PRDM6: variants seen among roughly 807,000 people sequenced by gnomAD.
PRDM6 encodes the protein putative histone-lysine N-methyltransferase PRDM6.
PRDM6 carries 25 observed loss-of-function variants against 60.8 expected under a neutral mutation model. The observed-to-expected ratio is 0.41, with a 90% CI of 0.30 to 0.57. The LOEUF is 0.57. Ranked by LOEUF, PRDM6 falls within the 20% of genes least tolerant of loss-of-function variation. The pLI is 0.27. For missense variants in PRDM6, 839 were observed against 821.3 expected (o/e 1.02, Z -0.26); for synonymous variants, 407 against 357.4 (o/e 1.14, Z -1.57).
In PRDM6 at chr5:123,155,955, G is replaced by A. The variant is rs1390061722; in HGVS notation, c.972G>A (p.Arg324=). The change falls in exon 4 of 8, where the codon AGG becomes AGA. Residue 324 remains arginine, a synonymous_variant. Coordinates refer to ENST00000407847, the MANE Select transcript of PRDM6 (RefSeq NM_001136239.4). ...GGEPSKSSWM[R]YIRCARHCGE... is the part of the protein sequence containing the mutation. ...AACCTAGTAAGTCGAGCTGGATGAGGTATATCCGATGTGCAAGGCACTGCG... is the reference window on the plus strand; with the variant it reads ...AACCTAGTAAGTCGAGCTGGATGAGATATATCCGATGTGCAAGGCACTGCG... 1 of 1,551,660 alleles carries A rather than the reference G, an allele frequency of 6.4e-7. No homozygotes were observed. The highest frequency in any genetic ancestry group is 2.0e-5 in the Admixed American group (1 of 51,000).
chr5:123,183,070 C>A (rs1462739746), intron 7 of PRDM6, among the ~76,000 whole-genome samples: 1 of 152,156 alleles, frequency 6.6e-6, no homozygotes, highest in African/African-American at 2.4e-5. Flanking sequence ...ATAAAACAAA[C>A]ATTTTTAAAA....
At chr5:123,092,164 T>C (rs749516940) in intron 2 of PRDM6, among the ~76,000 whole-genome samples, 4 of 152,268 alleles carry the variant, frequency 2.6e-5, no homozygotes, top group Non-Finnish European at 5.9e-5. Flanking sequence ...TCAGAAAGTT[T>C]TACAACATTA....
At position 123,170,797 on chromosome 5, in the gene PRDM6, G is replaced by T; in HGVS notation, c.1185G>T (p.Met395Ile). The change falls in exon 6 of 8, where the codon ATG becomes ATT. Residue 395 changes from methionine (M) to isoleucine (I), a missense_variant. By Grantham distance (10) the Met-to-Ile change is conservative. Coordinates refer to ENST00000407847, the MANE Select transcript of PRDM6 (RefSeq NM_001136239.4). Reference sequence around the variant, plus strand: ...TCCCTTCAACGGTAATGGAAGCCATGTGCAGACAAGACGCCCTGCAGCCCT... The same window carrying T: ...TCCCTTCAACGGTAATGGAAGCCATTTGCAGACAAGACGCCCTGCAGCCCT... ...LNVPSTVMEA[M>I]CRQDALQPFN... 1 of 1,551,812 alleles carries T rather than the reference G, an allele frequency of 6.4e-7. No homozygotes were observed. The highest frequency in any genetic ancestry group is 8.7e-7 in the Non-Finnish European group (1 of 1,146,970).
chr5:123,101,338 G>A (rs1363244884), intron 3 of PRDM6, among the ~76,000 whole-genome samples: 1 of 152,124 alleles, frequency 6.6e-6, no homozygotes, highest in Admixed American at 6.5e-5. Flanking sequence ...CAGCCCAGCA[G>A]CCCAAAATGA....
chr5:123,179,138 G>A (rs1427342556), intron 6 of PRDM6, among the ~76,000 whole-genome samples: 1 of 152,188 alleles, frequency 6.6e-6, no homozygotes, highest in Admixed American at 6.5e-5. Flanking sequence ...GCTTAAGTAA[G>A]CAGAAGAACT....
chr5:123,122,999 C>A (rs757392430), intron 3 of PRDM6, among the ~76,000 whole-genome samples: 2 of 152,110 alleles, frequency 1.3e-5, no homozygotes, highest in African/African-American at 4.8e-5. Context: ...CTTATAGATT[C>A]TTATAGATTC....
chr5:123,126,385 C>T (rs1764695619), intron 3 of PRDM6, among the ~76,000 whole-genome samples: 1 of 151,646 alleles, frequency 6.6e-6, no homozygotes, highest in Non-Finnish European at 1.5e-5. Flanking sequence ...TCTGATGCAC[C>T]AAGTGTTTTT....
At chr5:123,125,052 A>G (rs1332966227) in intron 3 of PRDM6, among the ~76,000 whole-genome samples, 1 of 137,804 alleles carries the variant, frequency 7.3e-6, no homozygotes, top group Non-Finnish European at 1.5e-5. Flanking sequence ...ACTGCAGGCA[A>G]CTTACAACAT....
chr5:123,174,966 A>C (rs1259485326), intron 6 of PRDM6, among the ~76,000 whole-genome samples: 1 of 152,254 alleles, frequency 6.6e-6, no homozygotes, highest in African/African-American at 2.4e-5. Context: ...GAAGAGAAGC[A>C]GCTGTTGGAA....
rs972878199 is a variant in PRDM6, at chr5:123,090,594, G to C, written c.580G>C (p.Asp194His). 1 of 1,522,018 alleles carries C rather than the reference G, an allele frequency of 6.6e-7. No homozygotes were observed. The highest frequency in any genetic ancestry group is 2.0e-5 in the Admixed American group (1 of 50,236). 94.3% of individuals were successfully genotyped at this position (1,522,018 alleles called of 1,614,324 possible). A position where few individuals can be genotyped will look rare whatever the true frequency, so the allele number is the denominator to read the frequency against. Residue 194 changes from aspartate to histidine, a missense_variant, in exon 2 of 8, where the codon GAC (aspartate) becomes CAC (histidine). By Grantham distance (81) the Asp-to-His change is moderately conservative. Transcript: ENST00000407847. ...EIIPLNQHTS[D>H]PNNRCDMCAD... The stretch of plus-strand genomic sequence containing the variant: ...CATCCCGCTCAACCAGCACACCAGC[G>C]ACCCCAACAACCGTACGTAGCCGCA...
At chr5:123,185,675 CT>C (rs1445328896) in intron 7 of PRDM6, among the ~76,000 whole-genome samples, 1 of 152,254 alleles carries the variant, frequency 6.6e-6, no homozygotes, top group African/African-American at 2.4e-5. Context: ...CCCTGACACA[CT>C]CCGCTGGTGC....
intron 3 of PRDM6, among the ~76,000 whole-genome samples, chr5:123,148,255 A>G (rs1415468555): frequency 1.3e-5 from 2 of 152,242 alleles, no homozygotes; most frequent in Admixed American, 6.5e-5. Context: ...TTATATCAGC[A>G]TTACTGAAAA....
At chr5:123,136,370 T>C (rs940208305) in intron 3 of PRDM6, among the ~76,000 whole-genome samples, 5 of 152,182 alleles carry the variant, frequency 3.3e-5, no homozygotes, top group African/African-American at 1.2e-4. Flanking sequence ...CGAGAACTGC[T>C]GTGAGATATG....
chr5:123,166,810 C>T (rs1347747925), intron 5 of PRDM6, among the ~76,000 whole-genome samples: 1 of 152,180 alleles, frequency 6.6e-6, no homozygotes, highest in South Asian at 2.1e-4. Flanking sequence ...AAATTTCATG[C>T]GTTCATGTTC....
At chr5:123,167,542 A>G (rs1765780805) in intron 5 of PRDM6, among the ~76,000 whole-genome samples, 1 of 152,162 alleles carries the variant, frequency 6.6e-6, no homozygotes, top group African/African-American at 2.4e-5. Flanking sequence ...GGCATGTGCC[A>G]CCACGCCCAG....
chr5:123,175,002 G>A (rs1765972635), intron 6 of PRDM6, among the ~76,000 whole-genome samples: 1 of 152,086 alleles, frequency 6.6e-6, no homozygotes, highest in South Asian at 2.1e-4. Flanking sequence ...ATTTTGTTCA[G>A]GAACTTTATA....
chr5:123,172,615 A>C (rs1765918216), intron 6 of PRDM6, among the ~76,000 whole-genome samples: 1 of 152,266 alleles, frequency 6.6e-6, no homozygotes, highest in Non-Finnish European at 1.5e-5. Context: ...TCTTTAAAAT[A>C]CAAAAGATGC....
At chr5:123,098,265 G>T (rs1764005156) in intron 2 of PRDM6, among the ~76,000 whole-genome samples, 1 of 152,256 alleles carries the variant, frequency 6.6e-6, no homozygotes, top group Non-Finnish European at 1.5e-5. Context: ...TCAGTGGCCA[G>T]CTTTCACCGT....
chr5:123,089,574 TTGG>T, intron 1 of PRDM6, 55 bp downstream of exon 1: 1 of 168,716 alleles, frequency 5.9e-6, no homozygotes, highest in Non-Finnish European at 1.2e-5. Context: ...GATAGGAAGG[TTGG>T]TGGTCCTAGG....
Sources: allele counts gnomAD v4.1 joint callset (sites outside exome capture counted in the v4.1 genomes callset), GRCh38; gene constraint gnomAD v4.1.1; transcripts MANE v1.5; gene names NCBI Gene and HGNC (gene_info 2026-07-23, HGNC 2026-07-21).